The following GRM1 variants were observed in gnomAD, a reference collection of about 807,000 sequenced individuals.
GRM1 encodes the protein glutamate metabotropic receptor 1, also known as metabotropic glutamate receptor 1.
Under a neutral mutation model 90.9 loss-of-function variants are expected in GRM1, and 33 were observed. That is an observed-to-expected ratio of 0.36 (90% CI 0.28 to 0.49). GRM1 has a LOEUF of 0.49. Ranked by LOEUF, GRM1 falls within the 20% of genes least tolerant of loss-of-function variation. The pLI is 0.99. For missense variants in GRM1, 1,190 were observed against 1,534.3 expected (o/e 0.78, Z 3.75); for synonymous variants, 700 against 613.2 (o/e 1.14, Z -2.09).
intron 1 of GRM1, among the ~76,000 whole-genome samples, chr6:146,046,700 G>T (rs1791342721): frequency 6.6e-6 from 1 of 151,838 alleles, no homozygotes; most frequent in African/African-American, 2.4e-5. Context: ...AATAAAGTTT[G>T]GTAACATAAG....
chr6:146,333,372 G>A (rs1051387551), intron 3 of GRM1, among the ~76,000 whole-genome samples: 1 of 151,952 alleles, frequency 6.6e-6, no homozygotes, highest in Non-Finnish European at 1.5e-5. Context: ...TTTCCCCCTA[G>A]TATTTACTTC....
intron 2 of GRM1, among the ~76,000 whole-genome samples, chr6:146,283,791 A>T (rs554240696): frequency 1.3e-5 from 2 of 152,312 alleles, no homozygotes; most frequent in East Asian, 3.9e-4. Flanking sequence ...GGACAGTGAC[A>T]TAGCTGAAAT....
chr6:146,104,968 G>A (rs1001556997), intron 1 of GRM1, among the ~76,000 whole-genome samples: 10 of 152,310 alleles, frequency 6.6e-5, no homozygotes, highest in Admixed American at 1.3e-4. Flanking sequence ...ATGATCTGAA[G>A]TAGGCATGAG....
intron 3 of GRM1, among the ~76,000 whole-genome samples, chr6:146,346,691 AT>A (rs944253598): frequency 3.3e-5 from 5 of 152,182 alleles, no homozygotes; most frequent in Non-Finnish European, 5.9e-5. Flanking sequence ...GACCTGATTA[AT>A]CTTCCTTCAA....
intron 5 of GRM1, among the ~76,000 whole-genome samples, chr6:146,377,430 T>C (rs1324027487): frequency 6.6e-6 from 1 of 152,118 alleles, no homozygotes; most frequent in African/African-American, 2.4e-5. Context: ...AAGGTCACTT[T>C]TGCTATACAA....
At chr6:146,400,326 T>C (rs1314100395) in intron 7 of GRM1, among the ~76,000 whole-genome samples, 1 of 152,184 alleles carries the variant, frequency 6.6e-6, no homozygotes, top group African/African-American at 2.4e-5. Flanking sequence ...TGTTCCACGA[T>C]GTTATACATG....
chr6:146,143,955 C>T (rs1431153903), intron 1 of GRM1, among the ~76,000 whole-genome samples: 1 of 152,202 alleles, frequency 6.6e-6, no homozygotes, highest in Non-Finnish European at 1.5e-5. Flanking sequence ...AATCAAGACT[C>T]CTGGCTCTCA....
chr6:146,174,935 T>A (rs1332440073), intron 2 of GRM1, among the ~76,000 whole-genome samples: 1 of 152,306 alleles, frequency 6.6e-6, no homozygotes, highest in African/African-American at 2.4e-5. Flanking sequence ...CATGTGGACC[T>A]CTGTGTGGGG....
intron 1 of GRM1, among the ~76,000 whole-genome samples, chr6:146,112,138 C>T (rs1169005838): frequency 6.6e-6 from 1 of 152,152 alleles, no homozygotes; most frequent in Non-Finnish European, 1.5e-5. Context: ...GCCCATTTAA[C>T]ATCATCTCAT....
intron 2 of GRM1, among the ~76,000 whole-genome samples, chr6:146,280,841 G>A (rs1195647956): frequency 2.0e-5 from 3 of 151,652 alleles, no homozygotes; most frequent in East Asian, 1.9e-4. Context: ...CTGCTGAGGC[G>A]GGTCTTGAAC....
intron 2 of GRM1, among the ~76,000 whole-genome samples, chr6:146,300,543 G>A (rs756058579): frequency 4.6e-5 from 7 of 152,184 alleles, no homozygotes; most frequent in African/African-American, 1.2e-4. Context: ...AAGAATTCTC[G>A]TATGTTAGTG....
intron 2 of GRM1, among the ~76,000 whole-genome samples, chr6:146,225,790 A>T (rs1022594244): frequency 5.9e-5 from 9 of 152,136 alleles, no homozygotes; most frequent in Non-Finnish European, 1.2e-4. Context: ...AAATAATAGA[A>T]ATTTTATGTA....
At chr6:146,205,790 G>T (rs971262711) in intron 2 of GRM1, among the ~76,000 whole-genome samples, 1 of 152,162 alleles carries the variant, frequency 6.6e-6, no homozygotes, top group African/African-American at 2.4e-5. Context: ...ACTTTGCATT[G>T]TAAGCAAACT....
chr6:146,109,133 A>G (rs1583014262), intron 1 of GRM1, among the ~76,000 whole-genome samples: 1 of 152,358 alleles, frequency 6.6e-6, no homozygotes, highest in Non-Finnish European at 1.5e-5. Context: ...AAATTTGCAT[A>G]AGTAATGAGG....
intron 2 of GRM1, among the ~76,000 whole-genome samples, chr6:146,236,230 T>A (rs527789629): frequency 1.3e-5 from 2 of 152,284 alleles, no homozygotes; most frequent in South Asian, 4.1e-4. Flanking sequence ...CAAAATACTG[T>A]CATTATGACA....
At chr6:146,377,994 C>A (rs1465954471) in intron 5 of GRM1, among the ~76,000 whole-genome samples, 2 of 152,210 alleles carry the variant, frequency 1.3e-5, no homozygotes, top group African/African-American at 4.8e-5. Flanking sequence ...ATATAGTGCT[C>A]AAGCTGTTGC....
chr6:146,061,115 A>G (rs1775652187), intron 1 of GRM1, among the ~76,000 whole-genome samples: 1 of 152,160 alleles, frequency 6.6e-6, no homozygotes, highest in Non-Finnish European at 1.5e-5. Context: ...CAGAAAACAT[A>G]CAACATTTAT....
chr6:146,366,860 C>T (rs951530843), intron 5 of GRM1, among the ~76,000 whole-genome samples: 1 of 152,122 alleles, frequency 6.6e-6, no homozygotes, highest in African/African-American at 2.4e-5. Context: ...TGTCTCTTCA[C>T]TGTGTTAATT....
At chr6:146,276,278 T>G (rs1379646666) in intron 2 of GRM1, among the ~76,000 whole-genome samples, 3 of 152,176 alleles carry the variant, frequency 2.0e-5, no homozygotes, top group Admixed American at 1.3e-4. Flanking sequence ...GTGATTTTAG[T>G]AATATAAATT....
Sources: gnomAD v4.1 joint callset for allele counts (sites outside exome capture counted in the v4.1 genomes callset) on GRCh38, gnomAD v4.1.1 for gene constraint, MANE v1.5 for transcripts, NCBI Gene and HGNC (gene_info 2026-07-23, HGNC 2026-07-21) for gene names.